Variants in SFMBT2 observed in about 807,000 individuals in gnomAD.
SFMBT2 encodes scm-like with four MBT domains protein 2.
Under a neutral mutation model 110.1 loss-of-function variants are expected in SFMBT2, and 38 were observed. That is an observed-to-expected ratio of 0.35 (90% CI 0.27 to 0.45). The LOEUF is 0.45. SFMBT2 is among the 20% of genes least tolerant of loss of function. SFMBT2 has a pLI of 1.00. For missense variants in SFMBT2, 1,011 were observed against 1,094.9 expected, an observed-to-expected ratio of 0.92 and a Z score of 1.08; for synonymous variants, 425 against 425.4, an observed-to-expected ratio of 1.00 and a Z score of 0.01.
At chr10:7,254,093 T>C (rs1269759032) in intron 7 of SFMBT2, among the ~76,000 whole-genome samples, 2 of 152,236 alleles carry the variant, frequency 1.3e-5, no homozygotes, top group East Asian at 1.9e-4. Context: ...AAGATATCCA[T>C]GCTGTATGTG....
chr10:7,392,818 G>A (rs1845805208), intron 1 of SFMBT2, among the ~76,000 whole-genome samples: 1 of 150,700 alleles, frequency 6.6e-6, no homozygotes, highest in African/African-American at 2.4e-5. Context: ...AACTTTTTTG[G>A]GATTTCAAGT....
chr10:7,392,405 C>T (rs1259198447), intron 1 of SFMBT2, among the ~76,000 whole-genome samples: 1 of 152,132 alleles, frequency 6.6e-6, no homozygotes, highest in Non-Finnish European at 1.5e-5. Context: ...ATCCCAGCTA[C>T]TCAGGAGGCT....
Position 7,171,692 on chromosome 10 carries a change from T to C in SFMBT2, c.2415+203A>G, listed in dbSNP as rs1182022658. Among the ~76,000 whole-genome samples, 1 of 152,240 alleles carries C rather than the reference T, an allele frequency of 6.6e-6. No homozygotes were observed. Reference sequence around the variant, plus strand: ...CAGGAAAGAGGCGCTGTCTCCACCCTGGGCACTCCATTCTGATGCCGAAAG... The same window carrying C: ...CAGGAAAGAGGCGCTGTCTCCACCCCGGGCACTCCATTCTGATGCCGAAAG... On this transcript the variant is annotated intron_variant, in intron 19 of 20. Transcript: ENST00000397167. This position sits in a 1 kb window ranked among gnomAD's most constrained non-coding sequence, Gnocchi z 4.9.
intron 11 of SFMBT2, chr10:7,207,678 G>T (rs1839198047): frequency 1.1e-6 from 1 of 910,184 alleles, no homozygotes; most frequent in Non-Finnish European, 1.3e-6. Flanking sequence ...GAAGCTAAAT[G>T]CCAACAACCA....
rs759802736 is a variant in SFMBT2 at position 7,159,250 on chromosome 10, C to G, written c.*4520G>C. On this transcript the variant is annotated 3_prime_UTR_variant, in exon 21 of 21. Transcript: ENST00000397167. Reference sequence around the variant, plus strand: ...TGGAATTATTTGAGTTGTTACTTGTCATTGAAACTAGAGAGGTTTTAAACC... The same window carrying G: ...TGGAATTATTTGAGTTGTTACTTGTGATTGAAACTAGAGAGGTTTTAAACC... 6.6e-6 allele frequency: 1 copy of G among 152,168 alleles called. No homozygotes were observed. The highest frequency in any genetic ancestry group is 2.4e-5 in the African/African-American group (1 of 41,442). 9.4% of individuals were successfully genotyped at this position (152,168 alleles called of 1,614,324 possible).
At chr10:7,201,978 T>G (rs892610441) in intron 13 of SFMBT2, among the ~76,000 whole-genome samples, 3 of 152,224 alleles carry the variant, frequency 2.0e-5, no homozygotes, top group African/African-American at 7.2e-5. Flanking sequence ...AAATTGTATT[T>G]TACAAGCCAG....
At chr10:7,175,587 C>G (rs1361062630) in intron 17 of SFMBT2, among the ~76,000 whole-genome samples, 1 of 152,110 alleles carries the variant, frequency 6.6e-6, no homozygotes, top group Non-Finnish European at 1.5e-5. Context: ...TCAAGAAGGG[C>G]AATGAAAGCA....
chr10:7,335,945 A>G (rs1173173363), intron 4 of SFMBT2, among the ~76,000 whole-genome samples: 2 of 152,280 alleles, frequency 1.3e-5, no homozygotes, highest in East Asian at 3.9e-4. Context: ...CAATAGACTC[A>G]GCCACTAAAA....
chr10:7,404,413 C>T (rs1846159192), intron 1 of SFMBT2, among the ~76,000 whole-genome samples: 2 of 152,202 alleles, frequency 1.3e-5, no homozygotes, highest in South Asian at 4.1e-4. Context: ...ACCTTAATAT[C>T]TGTTTATAAG....
At chr10:7,273,611 T>A (rs908926329) in intron 7 of SFMBT2, among the ~76,000 whole-genome samples, 1 of 152,240 alleles carries the variant, frequency 6.6e-6, no homozygotes, top group African/African-American at 2.4e-5. Context: ...CTCCTAATGC[T>A]ATCCCTCCCC....
At chr10:7,206,317 C>T (rs1839136207) in intron 11 of SFMBT2, 3 of 985,404 alleles carry the variant, frequency 3.0e-6, no homozygotes, top group South Asian at 4.7e-5. Flanking sequence ...GGGAATGTAT[C>T]GGAGCTTGGG....
At chr10:7,280,869 G>A (rs1042071486) in intron 6 of SFMBT2, among the ~76,000 whole-genome samples, 4 of 152,160 alleles carry the variant, frequency 2.6e-5, no homozygotes, top group African/African-American at 7.2e-5. Flanking sequence ...GTTTTTGAAG[G>A]CTAACTTCCT....
chr10:7,193,345 A>G (rs1358030835), intron 15 of SFMBT2, among the ~76,000 whole-genome samples: 1 of 152,246 alleles, frequency 6.6e-6, no homozygotes, highest in Non-Finnish European at 1.5e-5. Flanking sequence ...CAGAAGTTAG[A>G]TACTGTCACT....
chr10:7,203,221 G>A (rs1839015120), intron 12 of SFMBT2: 1 of 646,672 alleles, frequency 1.5e-6, no homozygotes, highest in African/African-American at 2.0e-5. Context: ...GTTTGGAGTT[G>A]GAGTTTGCCT....
At chr10:7,352,953 T>G (rs1272016506) in intron 4 of SFMBT2, among the ~76,000 whole-genome samples, 2 of 151,914 alleles carry the variant, frequency 1.3e-5, no homozygotes, top group African/African-American at 4.8e-5. Context: ...GGGCTTGCAG[T>G]GAGCCGAGAT....
chr10:7,393,735 G>A (rs903138086), intron 1 of SFMBT2, among the ~76,000 whole-genome samples: 4 of 152,152 alleles, frequency 2.6e-5, no homozygotes, highest in Admixed American at 6.5e-5. Context: ...GGAGGTGTAC[G>A]GGATTCACGT....
chr10:7,367,565 A>T lies in SFMBT2; in HGVS notation c.436+84T>A, dbSNP rs1170369547. On this transcript the variant is annotated intron_variant, in intron 4 of 20. Coordinates refer to ENST00000397167, the MANE Select transcript of SFMBT2 (RefSeq NM_001387889.1). The surrounding 1 kb of genome is among the most constrained non-coding windows in gnomAD (Gnocchi z 6.2). ...ACTAAGACCATTAGGGATTCTACGC[A>T]AGGTTCTCTCTGCTCCTTGCAAAAT... 1 of 1,532,112 alleles carries T rather than the reference A, an allele frequency of 6.5e-7. No individual in the cohort carries two copies. The highest frequency in any genetic ancestry group is 2.3e-5 in the East Asian group (1 of 44,238). The allele number at this position is 1,532,112 out of a possible 1,614,324, so 94.9% of individuals were successfully genotyped here.
chr10:7,229,642 G>A (rs1410873713), intron 9 of SFMBT2, among the ~76,000 whole-genome samples: 3 of 150,336 alleles, frequency 2.0e-5, no homozygotes, highest in Non-Finnish European at 3.0e-5. Flanking sequence ...TGAAGATACT[G>A]GTTGCCTCCA....
In SFMBT2 at chr10:7,375,055, T is replaced by C. The variant is rs147357520; in HGVS notation, c.101-4680A>G. On this transcript the variant is annotated intron_variant, in intron 2 of 20. Transcript: ENST00000397167. ...ATCTCCCTCCATGTAAATGAACCAG[T>C]GGGAAGTATTTCCCCATGATGTCAT... Among the ~76,000 whole-genome samples, 133 of 152,348 alleles carry C rather than the reference T, an allele frequency of 8.7e-4. 3 individuals are homozygous for C. In the East Asian group the frequency reaches 0.021, roughly 24 times the overall value.
Sources: allele counts gnomAD v4.1 joint callset (sites outside exome capture counted in the v4.1 genomes callset), GRCh38; gene constraint gnomAD v4.1.1; non-coding constraint Gnocchi (gnomAD v3.1); transcripts MANE v1.5; gene names NCBI Gene and HGNC (gene_info 2026-07-23, HGNC 2026-07-21).